The following NR2C1 variants were observed in gnomAD, a reference collection of about 807,000 sequenced individuals.
NR2C1 encodes the protein TR2 nuclear hormone receptor.
Under a neutral mutation model 74.8 loss-of-function variants are expected in NR2C1, and 33 were observed. The observed-to-expected ratio is 0.44, with a 90% CI of 0.33 to 0.59. NR2C1 has a LOEUF of 0.59. NR2C1 is among the 20% of genes least tolerant of loss of function. The pLI is 0.02. For synonymous variants in NR2C1, 225 were observed against 240.6 expected (o/e 0.94, Z 0.60); for missense variants, 568 against 715.6 (o/e 0.79, Z 2.35).
intron 12 of NR2C1, 146 bp from the exon 13 acceptor site, chr12:95,025,401 G>A (rs1388477309): frequency 2.5e-5 from 13 of 513,082 alleles, no homozygotes; most frequent in Non-Finnish European, 3.7e-5. Flanking sequence ...GCTCACGCCT[G>A]TAATCCTAGC....
At chr12:95,036,260 G>A (rs1410057588) in intron 10 of NR2C1, among the ~76,000 whole-genome samples, 1 of 121,516 alleles carries the variant, frequency 8.2e-6, no homozygotes, top group Admixed American at 9.3e-5. Flanking sequence ...AAAGCAACAC[G>A]AATGTTGAGA....
At chr12:95,031,634 G>T in intron 10 of NR2C1, 146 bp from the exon 11 acceptor site, 1 of 529,474 alleles carries the variant, frequency 1.9e-6, no homozygotes, top group Non-Finnish European at 3.0e-6. Flanking sequence ...GTTTTGTATA[G>T]CTGATAACAA....
intron 13 of NR2C1, among the ~76,000 whole-genome samples, chr12:95,023,494 C>T (rs1238766417): frequency 6.6e-6 from 1 of 152,216 alleles, no homozygotes; most frequent in Non-Finnish European, 1.5e-5. Context: ...CAAAAAACTA[C>T]TGGAAGTAGG....
chr12:95,059,926 A>G lies in NR2C1; in HGVS notation c.344T>C (p.Val115Ala). The change falls in exon 4 of 14, where the codon GTA (valine) becomes GCA (alanine). Residue 115 changes from valine (V) to alanine (A), a missense_variant. By Grantham distance (64) the Val-to-Ala change is moderately conservative (BLOSUM62 0). Around this residue, in one of 6 missense-constraint regions of NR2C1, gnomAD observed 44 missense variants for 95.6 expected, o/e 0.46. Transcript: ENST00000333003. ...GTTACCTGATGCTTTGTCTCCACAT[A>G]CTACGCAAAGATCAAAAACCTTATT... ...GPNKVFDLCV[V>A]CGDKASGRHY... The G allele has an allele frequency of 6.3e-7, 1 of 1,595,114 alleles. No individual in the cohort carries two copies. The highest frequency in any genetic ancestry group is 8.5e-7 in the Non-Finnish European group (1 of 1,174,766).
chr12:95,043,498 G>C (rs996706134), intron 9 of NR2C1, among the ~76,000 whole-genome samples: 1 of 151,952 alleles, frequency 6.6e-6, no homozygotes, highest in Non-Finnish European at 1.5e-5. Context: ...AGACCAGCCT[G>C]CCAATGAGGT....
At chr12:95,059,116 A>T (rs1874350482) in intron 4 of NR2C1, among the ~76,000 whole-genome samples, 1 of 151,654 alleles carries the variant, frequency 6.6e-6, no homozygotes, top group African/African-American at 2.4e-5. Flanking sequence ...AGCATGGCCA[A>T]CATGGCAAAA....
chr12:95,033,916 T>C (rs1480633312), intron 10 of NR2C1, among the ~76,000 whole-genome samples: 1 of 152,226 alleles, frequency 6.6e-6, no homozygotes, highest in African/African-American at 2.4e-5. Flanking sequence ...CTACAGACTT[T>C]ATTATAAATA....
chr12:95,025,978 G>A (rs186573681), intron 12 of NR2C1, among the ~76,000 whole-genome samples: 5 of 151,490 alleles, frequency 3.3e-5, no homozygotes, highest in Admixed American at 6.6e-5. Flanking sequence ...AGGCCGAGGT[G>A]GGGGGGATCA....
intron 1 of NR2C1, among the ~76,000 whole-genome samples, chr12:95,071,308 T>C (rs1314705151): frequency 1.3e-5 from 2 of 152,148 alleles, no homozygotes; most frequent in African/African-American, 4.8e-5. Context: ...GATTCAGAAA[T>C]AGATTTCTGT....
At chr12:95,043,421 G>A (rs557159936) in intron 9 of NR2C1, among the ~76,000 whole-genome samples, 1 of 152,254 alleles carries the variant, frequency 6.6e-6, no homozygotes, top group African/African-American at 2.4e-5. Context: ...AGGCGTGGTG[G>A]CTCAGGCCTG....
At chr12:95,025,829 C>T (rs1869295001) in intron 12 of NR2C1, among the ~76,000 whole-genome samples, 1 of 151,280 alleles carries the variant, frequency 6.6e-6, no homozygotes, top group African/African-American at 2.4e-5. Flanking sequence ...AAACAAACAG[C>T]TTTCTCTCCA....
intron 10 of NR2C1, 35 bp from the exon 11 acceptor site, chr12:95,031,523 A>T (rs1565836484): frequency 3.3e-6 from 5 of 1,510,826 alleles, no homozygotes; most frequent in African/African-American, 1.4e-5. Flanking sequence ...CAAATCAGAT[A>T]TTATTAAAAT....
chr12:95,028,199 C>A, intron 12 of NR2C1, 188 bp downstream of exon 12: 1 of 533,248 alleles, frequency 1.9e-6, no homozygotes, highest in Non-Finnish European at 3.3e-6. Flanking sequence ...TTTTTCATTT[C>A]TCTTGGGCTG....
rs771334890 is a variant in NR2C1 at position 95,067,375 on chromosome 12, T to C, written c.10A>G (p.Ile4Val). 3 of 1,613,222 alleles carry C rather than the reference T, an allele frequency of 1.9e-6. No homozygotes were observed. The highest frequency in any genetic ancestry group is 2.2e-5 in the East Asian group (1 of 44,852). The change falls in exon 2 of 14, where the codon ATA becomes GTA. Residue 4 changes from isoleucine (I) to valine (V), a missense_variant. Ile to Val is a conservative substitution (Grantham distance 29). Around this residue, in one of 6 missense-constraint regions of NR2C1, gnomAD observed 128 missense variants for 118.9 expected, o/e 1.08. Transcript: ENST00000333003. ...ATAATTTGATGTGCAATTTCTTCTA[T>C]GGTTGCCATGATCTACCTGCCAAAA... The part of the protein sequence containing the change: MAT[I>V]EEIAHQIIEQ...
intron 7 of NR2C1, among the ~76,000 whole-genome samples, chr12:95,053,554 C>A (rs1873346534): frequency 1.3e-5 from 2 of 151,562 alleles, no homozygotes; most frequent in South Asian, 4.2e-4. Context: ...TTATTAAATT[C>A]TTTTGTAAAT....
rs756125475 is a variant in NR2C1 at position 95,057,794 on chromosome 12, C to T, written c.629G>A (p.Arg210Gln). Residue 210 changes from arginine (R) to glutamine (Q), a missense_variant, in exon 6 of 14, where the codon CGA becomes CAA. Around this residue, in one of 6 missense-constraint regions of NR2C1, gnomAD observed 239 missense variants for 232.3 expected, o/e 1.03. Transcript: ENST00000333003. ...CAASTEKIYI[R>Q]KDLRSPLTAT... ...AGTTAATGGGCTACGAAGGTCCTTT[C>T]GGATATAGATTTTTTCTGTTGAAGC... The T allele has an allele frequency of 8.1e-6, 13 of 1,614,092 alleles. No homozygotes were observed. The highest frequency in any genetic ancestry group is 2.2e-5 in the East Asian group (1 of 44,872).
chr12:95,046,874 G>A (rs1165290401), intron 9 of NR2C1, among the ~76,000 whole-genome samples: 1 of 152,166 alleles, frequency 6.6e-6, no homozygotes, highest in East Asian at 1.9e-4. Flanking sequence ...TCACAAGGCT[G>A]TAAGACTCCG....
At chr12:95,050,168 T>C (rs1328726959) in intron 8 of NR2C1, among the ~76,000 whole-genome samples, 2 of 152,198 alleles carry the variant, frequency 1.3e-5, no homozygotes, top group Admixed American at 6.5e-5. Flanking sequence ...ATTAGAATAA[T>C]AACAAACTAA....
At chr12:95,068,929 C>T (rs1358168345) in intron 1 of NR2C1, among the ~76,000 whole-genome samples, 1 of 151,898 alleles carries the variant, frequency 6.6e-6, no homozygotes, top group East Asian at 1.9e-4. Context: ...TGCCACTGCA[C>T]TCCAGCCTGG....
Sources: allele counts gnomAD v4.1 joint callset (sites outside exome capture counted in the v4.1 genomes callset), GRCh38; gene constraint gnomAD v4.1.1; regional missense constraint gnomAD v4.1.1; transcripts MANE v1.5; gene names NCBI Gene and HGNC (gene_info 2026-07-23, HGNC 2026-07-21).